The following PCBP3 variants were observed in gnomAD, a reference collection of about 807,000 sequenced individuals.
PCBP3 encodes poly(rC)-binding protein 3.
In PCBP3, 25 loss-of-function variants were observed where a neutral mutation model predicts 52.7. The observed-to-expected ratio is 0.47, with a 90% CI of 0.35 to 0.66. The LOEUF (loss-of-function observed/expected upper bound fraction) is 0.66. Ranked by LOEUF, PCBP3 falls within the 30% of genes least tolerant of loss-of-function variation. PCBP3 has a pLI of 0.01. For missense variants in PCBP3, 391 were observed against 490.3 expected (o/e 0.80, Z 1.91); for synonymous variants, 162 against 183.0 (o/e 0.89, Z 0.93).
chr21:45,815,723 GGTGAGTGGTGA>G (rs2092911008), intron 4 of PCBP3, among the ~76,000 whole-genome samples: 1 of 87,524 alleles, frequency 1.1e-5, no homozygotes, highest in Admixed American at 9.9e-5. Context: ...AGTGATGAGT[GGTGAGTGGTGA>G]GTGAGTGGTG....
intron 2 of PCBP3, among the ~76,000 whole-genome samples, chr21:45,686,453 C>T (rs2082156726): frequency 6.6e-6 from 1 of 152,178 alleles, no homozygotes; most frequent in Non-Finnish European, 1.5e-5. Context: ...AGACAGTCTA[C>T]TATTCTTTTA....
intron 5 of PCBP3, chr21:45,873,487 C>CGCCTCCCAGCTCTGTGTAAATCTCCCCT (rs1290184481): frequency 6.6e-6 from 1 of 152,166 alleles, no homozygotes; most frequent in Non-Finnish European, 1.5e-5. Flanking sequence ...CCTTCTCCCC[C>CGCCTCCCAGCTCTGTGTAAATCTCCCCT]GCCTCCCAGC....
At chr21:45,883,650 C>T (rs1354147407) in intron 5 of PCBP3, among the ~76,000 whole-genome samples, 6 of 152,192 alleles carry the variant, frequency 3.9e-5, no homozygotes. Context: ...TGTCTCTGAT[C>T]ATTTTCATTG....
chr21:45,691,273 A>G (rs528182722), intron 2 of PCBP3, among the ~76,000 whole-genome samples: 25 of 151,550 alleles, frequency 1.6e-4, no homozygotes, highest in Non-Finnish European at 2.2e-4. Flanking sequence ...TTCTATTTAC[A>G]TAAGAATATC....
In PCBP3 at chr21:45,940,782, C is replaced by T. The variant is rs981864328; in HGVS notation, c.1079+583C>T. The stretch of plus-strand genomic sequence containing the variant: ...GCCAGGCATGCCGTACCACCAGCCC[C>T]GCCAGGCACACTGTACCACCAGCCC... On this transcript the variant is annotated intron_variant, in intron 17 of 17. Transcript: ENST00000681687. Among the ~76,000 whole-genome samples the T allele has an allele frequency of 2.3e-5, 3 of 129,438 alleles. No individual in the cohort carries two copies. The South Asian group carries it at 7.0e-4, about 30-fold the overall frequency. 84.9% of individuals were successfully genotyped at this position (129,438 alleles called of 152,430 possible).
chr21:45,674,582 CAA>C (rs1243237442), intron 2 of PCBP3, among the ~76,000 whole-genome samples: 2 of 152,098 alleles, frequency 1.3e-5, no homozygotes, highest in Non-Finnish European at 2.9e-5. Flanking sequence ...ATTAATTAAA[CAA>C]ATAATAATGA....
intron 4 of PCBP3, among the ~76,000 whole-genome samples, chr21:45,775,747 G>A (rs34955460): frequency 0.068 from 10,335 of 152,252 alleles, 483 homozygotes; most frequent in Non-Finnish European, 0.096. Context: ...AGTCTAGCTA[G>A]TGGTTTATCA....
At chr21:45,865,500 C>T (rs781540199) in intron 5 of PCBP3, among the ~76,000 whole-genome samples, 21 of 152,206 alleles carry the variant, frequency 1.4e-4, no homozygotes, top group Non-Finnish European at 2.4e-4. Flanking sequence ...GTGATGTCCC[C>T]TTTGTACTTC....
At chr21:45,691,437 CATAT>C (rs1404426099) in intron 2 of PCBP3, among the ~76,000 whole-genome samples, 6 of 129,608 alleles carry the variant, frequency 4.6e-5, no homozygotes, top group African/African-American at 1.8e-4. Context: ...ATATATATAT[CATAT>C]ATATGTATGT....
intron 5 of PCBP3, 127 bp downstream of exon 5, chr21:45,850,222 T>A (rs933424672): frequency 1.1e-5 from 9 of 792,234 alleles, no homozygotes; most frequent in Middle Eastern, 2.2e-4. Flanking sequence ...CCTGCTTCAG[T>A]CCACAATGTG....
chr21:45,659,003 C>T (rs2080203090), intron 1 of PCBP3, among the ~76,000 whole-genome samples: 1 of 149,128 alleles, frequency 6.7e-6, no homozygotes, highest in African/African-American at 2.5e-5. Flanking sequence ...TGGTAGTTTT[C>T]TTTCTGATTT....
chr21:45,712,702 T>A (rs1343270228), intron 2 of PCBP3, among the ~76,000 whole-genome samples: 2 of 143,952 alleles, frequency 1.4e-5, no homozygotes, highest in Non-Finnish European at 3.0e-5. Context: ...CTTTCTTTCA[T>A]TTTTTTTTTT....
intron 4 of PCBP3, among the ~76,000 whole-genome samples, chr21:45,784,299 T>A (rs1453491368): frequency 6.6e-6 from 1 of 151,716 alleles, no homozygotes; most frequent in East Asian, 1.9e-4. Context: ...TGTAGAAAAT[T>A]CCTGGATGGA....
At chr21:45,909,555 C>G in intron 10 of PCBP3, 69 bp downstream of exon 10, 1 of 1,520,688 alleles carries the variant, frequency 6.6e-7, no homozygotes, top group Non-Finnish European at 9.0e-7. Flanking sequence ...GGCCACAGGC[C>G]AGGCAGCCTT....
At chr21:45,692,419 A>G (rs1437713668) in intron 2 of PCBP3, among the ~76,000 whole-genome samples, 2 of 152,166 alleles carry the variant, frequency 1.3e-5, no homozygotes, top group South Asian at 4.1e-4. Flanking sequence ...AAGGCACAAA[A>G]CATGAATATC....
intron 4 of PCBP3, among the ~76,000 whole-genome samples, chr21:45,824,499 C>T (rs535773079): frequency 3.9e-4 from 60 of 152,370 alleles, no homozygotes; most frequent in Non-Finnish European, 6.9e-4. Flanking sequence ...AAAGAGATTT[C>T]TCCCGTTGGG....
In PCBP3 at chr21:45,821,220, G is replaced by T. The variant is rs923301554; in HGVS notation, c.-125-28741G>T. ...GGCTGGGAGGGACCCCCTCTCCTGT[G>T]CAGCCTCTCCCTAATCCTGGATTCC... On this transcript the variant is annotated intron_variant, in intron 4 of 17. Coordinates refer to ENST00000681687, the MANE Select transcript of PCBP3 (RefSeq NM_001384156.1). The surrounding 1 kb of genome is among the most constrained non-coding windows in gnomAD (Gnocchi z 4.4). Among the ~76,000 whole-genome samples the T allele has an allele frequency of 6.6e-6, 1 of 151,694 alleles. No homozygotes were observed. Among genetic ancestry groups the T allele is most frequent in the African/African-American group, 2.4e-5 (1 of 41,236 alleles).
intron 11 of PCBP3, 125 bp downstream of exon 11, chr21:45,911,155 T>C (rs1206708160): frequency 1.8e-6 from 2 of 1,115,410 alleles, no homozygotes; most frequent in Non-Finnish European, 2.7e-6. Flanking sequence ...GGGGGGCTCC[T>C]GACCCCAAGT....
intron 2 of PCBP3, among the ~76,000 whole-genome samples, chr21:45,695,457 A>G (rs552594549): frequency 6.6e-6 from 1 of 152,152 alleles, no homozygotes; most frequent in Non-Finnish European, 1.5e-5. Flanking sequence ...CTCCAGCCTC[A>G]AGTACCTCAG....
Sources: allele counts gnomAD v4.1 joint callset (sites outside exome capture counted in the v4.1 genomes callset), GRCh38; gene constraint gnomAD v4.1.1; non-coding constraint Gnocchi (gnomAD v3.1); transcripts MANE v1.5; gene names NCBI Gene and HGNC (gene_info 2026-07-23, HGNC 2026-07-21).